CD59: variants seen among roughly 807,000 people sequenced by gnomAD.
CD59 encodes CD59 molecule (CD59 blood group), also known as CD59 glycoprotein.
A neutral mutation model predicts 7.0 loss-of-function variants in CD59; 3 were observed. The observed-to-expected ratio is 0.43, with a 90% CI of 0.19 to 1.10. CD59 has a LOEUF of 1.10. CD59 is among the 50% of genes least tolerant of loss of function. CD59 has a pLI of 0.29. For synonymous variants in CD59, 60 were observed against 62.0 expected (o/e 0.97, Z 0.15); for missense variants, 143 against 151.0 (o/e 0.95, Z 0.28).
rs1020407889 is a variant in CD59, at chr11:33,709,884, A to G, written c.*242T>C. 5.0e-6 allele frequency: 3 copies of G among 594,232 alleles called. No homozygotes were observed. The highest frequency in any genetic ancestry group is 2.9e-5 in the Admixed American group (1 of 34,314). The allele number at this position is 594,232 out of a possible 1,614,324, so 36.8% of individuals were successfully genotyped here. Reference sequence around the variant, plus strand: ...CCAAGAGCAAAGGAGGAAGCATGCAATCTAGTTCAAGTCACACCTACTTCA... The same window carrying G: ...CCAAGAGCAAAGGAGGAAGCATGCAGTCTAGTTCAAGTCACACCTACTTCA... On this transcript the variant is annotated 3_prime_UTR_variant, in exon 4 of 4. Coordinates refer to ENST00000642928, the MANE Select transcript of CD59 (RefSeq NM_000611.6).
intron 3 of CD59, chr11:33,711,618 A>G (rs1853563623): frequency 3.6e-6 from 2 of 554,822 alleles, no homozygotes; most frequent in Non-Finnish European, 6.3e-6. Context: ...TTAAGGCTGC[A>G]GTGAGCTATG....
chr11:33,715,294 G>A (rs2133538628), intron 3 of CD59, among the ~76,000 whole-genome samples: 1 of 152,196 alleles, frequency 6.6e-6, no homozygotes, highest in South Asian at 2.1e-4. Flanking sequence ...ATTCCCACTA[G>A]GAATGAATCA....
At position 33,723,670 on chromosome 11, in the gene CD59, T is replaced by G. The variant is rs187014866; in HGVS notation, c.-18-1207A>C. ...ACCTACAGCCTGCTACGGGACACCA[T>G]CCCCCATGTGGACCTTCCCAGGAGA... On this transcript the variant is annotated intron_variant, in intron 1 of 3. Transcript: ENST00000642928. Among the ~76,000 whole-genome samples the G allele has an allele frequency of 2.6e-5, 4 of 152,194 alleles. No homozygotes were observed. The East Asian group carries it at 7.7e-4, about 29-fold the overall frequency.
chr11:33,715,460 C>T (rs1256768747), intron 3 of CD59, among the ~76,000 whole-genome samples: 1 of 152,108 alleles, frequency 6.6e-6, no homozygotes, highest in East Asian at 1.9e-4. Flanking sequence ...ATTAGCTGGG[C>T]ATGGTGGCTT....
rs1020783328 is a variant in CD59 at position 33,704,578 on chromosome 11, T to C, written c.*5548A>G. 6.6e-6 allele frequency: 1 copy of C among 152,198 alleles called. No homozygotes were observed. Among genetic ancestry groups the C allele is most frequent in the Non-Finnish European group, 1.5e-5 (1 of 68,030 alleles). The allele number at this position is 152,198 out of a possible 1,614,324, so 9.4% of individuals were successfully genotyped here. On this transcript the variant is annotated 3_prime_UTR_variant, in exon 4 of 4. Transcript: ENST00000642928. Reference sequence around the variant, plus strand: ...GCTACTGTGTCCCAGGCACTTGTCTTAACTCATTTAACTTTTCTAACAACC... The same window carrying C: ...GCTACTGTGTCCCAGGCACTTGTCTCAACTCATTTAACTTTTCTAACAACC...
intron 3 of CD59, among the ~76,000 whole-genome samples, chr11:33,712,905 A>T (rs1402090297): frequency 6.6e-6 from 1 of 152,206 alleles, no homozygotes; most frequent in Non-Finnish European, 1.5e-5. Flanking sequence ...TTCCCAAGTA[A>T]TTTAATAGTG....
Position 33,709,776 on chromosome 11 carries a change from T to A in CD59, c.*350A>T, listed in dbSNP as rs1486807424. ...CCAAAGATGTACTAATGATGCTAACTGACTACATCCAAGGAGCCAGAGGAA... is the reference window on the plus strand; with the variant it reads ...CCAAAGATGTACTAATGATGCTAACAGACTACATCCAAGGAGCCAGAGGAA... On this transcript the variant is annotated 3_prime_UTR_variant, in exon 4 of 4. Transcript: ENST00000642928. 1 of 411,310 alleles carries A rather than the reference T, an allele frequency of 2.4e-6. No individual in the cohort carries two copies. 25.5% of individuals were successfully genotyped at this position (411,310 alleles called of 1,614,324 possible).
In CD59 at chr11:33,705,349, C is replaced by G. The variant is rs1047922942; in HGVS notation, c.*4777G>C. 6.6e-6 allele frequency: 1 copy of G among 152,220 alleles called. No individual in the cohort carries two copies. Among genetic ancestry groups the G allele is most frequent in the Non-Finnish European group, 1.5e-5 (1 of 68,066 alleles). 9.4% of individuals were successfully genotyped at this position (152,220 alleles called of 1,614,324 possible). ...TCATGTAATGGAAAGCTCTTAAGAACTAGGTTTAGAAGGTGCAGAGACCAG... is the reference window on the plus strand; with the variant it reads ...TCATGTAATGGAAAGCTCTTAAGAAGTAGGTTTAGAAGGTGCAGAGACCAG... On this transcript the variant is annotated 3_prime_UTR_variant, in exon 4 of 4. Transcript: ENST00000642928.
At chr11:33,722,695 A>G in intron 1 of CD59, 1 of 1,325,650 alleles carries the variant, frequency 7.5e-7, no homozygotes, top group Non-Finnish European at 9.7e-7. Context: ...TGGGAATAAC[A>G]CTATCTTCCC....
chr11:33,709,685 G>GGA lies in CD59; in HGVS notation c.*439_*440dup. 1 of 259,026 alleles carries GGA rather than the reference G, an allele frequency of 3.9e-6. No homozygotes were observed. Among genetic ancestry groups the GGA allele is most frequent in the Non-Finnish European group, 7.6e-6 (1 of 132,278 alleles). The allele number at this position is 259,026 out of a possible 1,614,324, so 16.0% of individuals were successfully genotyped here. On this transcript the variant is annotated 3_prime_UTR_variant, in exon 4 of 4. Coordinates refer to ENST00000642928, the MANE Select transcript of CD59 (RefSeq NM_000611.6). The stretch of plus-strand genomic sequence containing the variant: ...TTTGGCATGCCTCCATGGCAACACG[G>GGA]GATCCCTGAAGTTTATGAAAGCGTT...
intron 1 of CD59, among the ~76,000 whole-genome samples, chr11:33,731,202 C>T (rs1369566386): frequency 6.6e-6 from 1 of 151,624 alleles, no homozygotes; most frequent in Admixed American, 6.6e-5. Context: ...GGTCAGTGTC[C>T]CTAACCCTGC....
At chr11:33,726,970 C>A (rs561102950) in intron 1 of CD59, among the ~76,000 whole-genome samples, 123 of 152,234 alleles carry the variant, frequency 8.1e-4, no homozygotes, top group African/African-American at 2.9e-3. Flanking sequence ...CAAGACTAAA[C>A]CAGGAAGAAG....
At chr11:33,711,561 T>C in intron 3 of CD59, 1 of 592,942 alleles carries the variant, frequency 1.7e-6, no homozygotes, top group Non-Finnish European at 3.0e-6. Flanking sequence ...CCTTTAGTCT[T>C]AGCTACTTGG....
chr11:33,721,503 C>A (rs919087286), intron 2 of CD59, among the ~76,000 whole-genome samples: 3 of 152,178 alleles, frequency 2.0e-5, no homozygotes, highest in Non-Finnish European at 4.4e-5. Context: ...CTGCTCCCCC[C>A]ACCAACCATA....
chr11:33,731,099 T>A (rs1371684857), intron 1 of CD59, among the ~76,000 whole-genome samples: 1 of 152,230 alleles, frequency 6.6e-6, no homozygotes, highest in Non-Finnish European at 1.5e-5. Flanking sequence ...CAACTGTTTA[T>A]GTTATCGGTA....
At chr11:33,730,559 AGCC>A (rs1258058205) in intron 1 of CD59, among the ~76,000 whole-genome samples, 12 of 152,240 alleles carry the variant, frequency 7.9e-5, no homozygotes, top group African/African-American at 2.9e-4. Context: ...ATAATGCCAT[AGCC>A]ACCTCCTGTT....
chr11:33,718,136 G>T, intron 2 of CD59: 1 of 156,758 alleles, frequency 6.4e-6, no homozygotes, highest in Non-Finnish European at 1.4e-5. Context: ...TTATTATTGA[G>T]GTAAGTCTCA....
rs1853420064 is a variant in CD59, at chr11:33,708,739, CT to C, written c.*1386del. Reference sequence around the variant, plus strand: ...AGGGAACGGCATCAACAGAAGAAAGCTGGCACTGCTCAGGATGTCTTCTTTC... The same window carrying C: ...AGGGAACGGCATCAACAGAAGAAAGCGGCACTGCTCAGGATGTCTTCTTTC... On this transcript the variant is annotated 3_prime_UTR_variant, in exon 4 of 4. Coordinates refer to ENST00000642928, the MANE Select transcript of CD59 (RefSeq NM_000611.6). The C allele has an allele frequency of 6.6e-6, 1 of 152,206 alleles. No homozygotes were observed. Among genetic ancestry groups the C allele is most frequent in the Non-Finnish European group, 1.5e-5 (1 of 68,044 alleles). The allele number at this position is 152,206 out of a possible 1,614,324, so 9.4% of individuals were successfully genotyped here.
intron 3 of CD59, among the ~76,000 whole-genome samples, chr11:33,716,519 C>T (rs750294748): frequency 2.0e-5 from 3 of 152,174 alleles, no homozygotes; most frequent in Non-Finnish European, 1.5e-5. Flanking sequence ...CATTCTGAAA[C>T]TGCCATTCCT....
Sources: gnomAD v4.1 joint callset for allele counts (sites outside exome capture counted in the v4.1 genomes callset) on GRCh38, gnomAD v4.1.1 for gene constraint, MANE v1.5 for transcripts, NCBI Gene and HGNC (gene_info 2026-07-23, HGNC 2026-07-21) for gene names.